FAM24B: variants seen among roughly 807,000 people sequenced by gnomAD.
FAM24B encodes the protein protein FAM24B.
In FAM24B, 3 loss-of-function variants were observed where a neutral mutation model predicts 2.3. The observed-to-expected ratio is 1.29, with a 90% confidence interval of 0.59 to 3.32. The LOEUF is 3.32. Ranked by LOEUF, FAM24B falls within the 30% of genes most tolerant of loss-of-function variation. FAM24B has a pLI of 0.03. For missense variants in FAM24B, 98 were observed against 117.2 expected (o/e 0.84, Z 0.76); for synonymous variants, 36 against 46.3 (o/e 0.78, Z 0.90).
At chr10:122,856,025 G>T (rs1847631646) in intron 1 of FAM24B, among the ~76,000 whole-genome samples, 1 of 152,132 alleles carries the variant, frequency 6.6e-6, no homozygotes, top group Non-Finnish European at 1.5e-5. Flanking sequence ...CAAAACAGAA[G>T]GTAAAAAAGC....
chr10:122,868,770 C>A (rs944151472), intron 1 of FAM24B, among the ~76,000 whole-genome samples: 9 of 152,130 alleles, frequency 5.9e-5, no homozygotes, highest in Non-Finnish European at 1.0e-4. Flanking sequence ...CCCTAAAAGA[C>A]CTCCTGAAGG....
intron 2 of FAM24B, among the ~76,000 whole-genome samples, chr10:122,852,319 GAACA>G: frequency 6.6e-6 from 1 of 152,194 alleles, no homozygotes; most frequent in Non-Finnish European, 1.5e-5. Context: ...CAACTGGTAA[GAACA>G]CTTACATGGT....
intron 1 of FAM24B, among the ~76,000 whole-genome samples, chr10:122,864,390 A>G (rs188178725): frequency 2.0e-5 from 3 of 152,284 alleles, no homozygotes. Flanking sequence ...CTGTTGCATA[A>G]TATCACTGAG....
intron 3 of FAM24B, among the ~76,000 whole-genome samples, chr10:122,849,655 A>G (rs1338001590): frequency 2.6e-5 from 4 of 152,082 alleles, no homozygotes; most frequent in Admixed American, 1.3e-4. Context: ...CAAAAGCAAG[A>G]GTGAGTGATT....
Position 122,852,623 on chromosome 10 carries a change from C to T in FAM24B, c.-35-2073G>A, listed in dbSNP as rs1847561018. Among the ~76,000 whole-genome samples, 4 of 152,092 alleles carry T rather than the reference C, an allele frequency of 2.6e-5. No homozygotes were observed. In the South Asian group the frequency reaches 8.3e-4, roughly 32 times the overall value. On this transcript the variant is annotated intron_variant, in intron 2 of 3. Transcript: ENST00000368898. ...CCCCAGAAGTTAAGTGGAAAGTTGC[C>T]CCATTATCTATTGAGTCAGAGAAGA...
intron 1 of FAM24B, among the ~76,000 whole-genome samples, chr10:122,879,181 G>A (rs915754305): frequency 2.0e-5 from 3 of 152,294 alleles, no homozygotes; most frequent in Non-Finnish European, 2.9e-5. Context: ...TCCTGGCAAC[G>A]CCGTAGGATC....
intron 1 of FAM24B, among the ~76,000 whole-genome samples, chr10:122,865,666 T>C (rs1035033977): frequency 8.5e-5 from 13 of 152,204 alleles, no homozygotes; most frequent in African/African-American, 2.9e-4. Flanking sequence ...GCTTCTATTT[T>C]CTGGATAAAA....
chr10:122,868,784 C>T (rs900035072), intron 1 of FAM24B, among the ~76,000 whole-genome samples: 1 of 152,160 alleles, frequency 6.6e-6, no homozygotes, highest in Non-Finnish European at 1.5e-5. Context: ...CTGAAGGAAG[C>T]ACTAAACATG....
chr10:122,852,877 T>C (rs1566248153), intron 2 of FAM24B, among the ~76,000 whole-genome samples: 1 of 152,188 alleles, frequency 6.6e-6, no homozygotes, highest in Non-Finnish European at 1.5e-5. Context: ...GAAGCTATTG[T>C]CTAAAAGTTT....
At chr10:122,859,715 T>C (rs967891380) in intron 1 of FAM24B, among the ~76,000 whole-genome samples, 2 of 152,102 alleles carry the variant, frequency 1.3e-5, no homozygotes, top group African/African-American at 4.8e-5. Context: ...AATCCACCCC[T>C]GTGAGGGGTG....
intron 1 of FAM24B, among the ~76,000 whole-genome samples, chr10:122,876,425 C>A (rs1279792195): frequency 6.6e-6 from 1 of 152,180 alleles, no homozygotes; most frequent in Non-Finnish European, 1.5e-5. Context: ...GGTTACTTTG[C>A]CCCCTCCTTC....
chr10:122,853,092 T>A (rs1470284691), intron 2 of FAM24B, among the ~76,000 whole-genome samples: 1 of 152,174 alleles, frequency 6.6e-6, no homozygotes, highest in Non-Finnish European at 1.5e-5. Context: ...TAGCCTTCCT[T>A]CTTCTCTCCA....
chr10:122,877,267 A>G (rs1450942603), intron 1 of FAM24B, among the ~76,000 whole-genome samples: 2 of 152,198 alleles, frequency 1.3e-5, no homozygotes, highest in African/African-American at 4.8e-5. Context: ...GTAGTAAAGA[A>G]AGAGTTTAAT....
chr10:122,878,631 G>A lies in FAM24B; in HGVS notation c.-178+854C>T, dbSNP rs544848267. Among the ~76,000 whole-genome samples, 21 of 152,104 alleles carry A rather than the reference G, an allele frequency of 1.4e-4. No individual in the cohort carries two copies. In the South Asian group the frequency reaches 1.9e-3, roughly 14 times the overall value. ...TAGAGGGCAGTGCAGAAAATGAAAC[G>A]CAGGTGAGGAGATAATGACTATCAA... On this transcript the variant is annotated intron_variant, in intron 1 of 3. Transcript: ENST00000368898.
chr10:122,875,598 G>GT (rs2133843430), intron 1 of FAM24B, among the ~76,000 whole-genome samples: 1 of 152,320 alleles, frequency 6.6e-6, no homozygotes, highest in Non-Finnish European at 1.5e-5. Flanking sequence ...GTTTGCTGTA[G>GT]TTATCAGTGT....
intron 1 of FAM24B, among the ~76,000 whole-genome samples, chr10:122,860,686 TC>T (rs1847714681): frequency 6.6e-6 from 1 of 151,912 alleles, no homozygotes; most frequent in South Asian, 2.1e-4. Context: ...TTTGATAATG[TC>T]AGAGGACTTT....
intron 1 of FAM24B, among the ~76,000 whole-genome samples, chr10:122,874,646 C>G (rs1847950216): frequency 6.6e-6 from 1 of 151,936 alleles, no homozygotes; most frequent in African/African-American, 2.4e-5. Context: ...GTATTTTTTC[C>G]TCTGGCTCCT....
intron 2 of FAM24B, among the ~76,000 whole-genome samples, chr10:122,852,426 G>T (rs748946436): frequency 6.6e-6 from 1 of 152,064 alleles, no homozygotes; most frequent in Non-Finnish European, 1.5e-5. Context: ...TTGTTGGGTG[G>T]GGGCACACAT....
chr10:122,852,638 G>A (rs1847561657), intron 2 of FAM24B, among the ~76,000 whole-genome samples: 1 of 152,172 alleles, frequency 6.6e-6, no homozygotes, highest in Non-Finnish European at 1.5e-5. Context: ...TATCTATTGA[G>A]TCAGAGAAGA....
Sources: gnomAD v4.1 joint callset for allele counts (sites outside exome capture counted in the v4.1 genomes callset) on GRCh38, gnomAD v4.1.1 for gene constraint, MANE v1.5 for transcripts, NCBI Gene and HGNC (gene_info 2026-07-23, HGNC 2026-07-21) for gene names.